FABP12: variants seen among roughly 807,000 people sequenced by gnomAD.
The protein encoded by FABP12 is fatty acid-binding protein 12.
A neutral mutation model predicts 13.7 loss-of-function variants in FABP12; 19 were observed. The ratio of observed to expected loss-of-function variants is 1.39; its 90% CI spans 0.97 to 2.04. The LOEUF (loss-of-function observed/expected upper bound fraction) is 2.04. Ranked by LOEUF, FABP12 falls within the 30% of genes most tolerant of loss-of-function variation. FABP12 has a pLI of 0.00. For missense variants in FABP12, 182 were observed against 164.2 expected, an observed-to-expected ratio of 1.11 and a Z score of -0.59; for synonymous variants, 61 against 57.0, an observed-to-expected ratio of 1.07 and a Z score of -0.32.
upstream of FABP12, among the ~76,000 whole-genome samples, chr8:81,536,993 T>TA (rs1440713955): frequency 1.3e-5 from 2 of 152,214 alleles, no homozygotes; most frequent in East Asian, 3.8e-4. Flanking sequence ...TATAAATTTT[T>TA]AAAACTGGGG....
intron 1 of FABP12, among the ~76,000 whole-genome samples, chr8:81,566,256 C>T (rs957650159): frequency 2.0e-5 from 3 of 151,962 alleles, no homozygotes; most frequent in African/African-American, 7.2e-5. Context: ...GAACTAATAC[C>T]AATTCTACTC....
chr8:81,529,849 T>A (rs7831647), intron 2 of FABP12, among the ~76,000 whole-genome samples: 1 of 152,020 alleles, frequency 6.6e-6, no homozygotes, highest in East Asian at 1.9e-4. Flanking sequence ...AAAAAAAATC[T>A]GTCTCTAGTT....
chr8:81,580,347 T>C (rs1229217265), intron 1 of FABP12, among the ~76,000 whole-genome samples: 1 of 151,922 alleles, frequency 6.6e-6, no homozygotes, highest in African/African-American at 2.4e-5. Context: ...CTAATACACT[T>C]ACATGCCTTT....
intron 1 of FABP12, chr8:81,533,042 A>G (rs1585836968): frequency 1.3e-5 from 2 of 152,208 alleles, no homozygotes; most frequent in African/African-American, 4.8e-5. Context: ...TCGGATGCAC[A>G]TGGATCCCCT....
chr8:81,573,198 A>G (rs1316100896), intron 1 of FABP12, among the ~76,000 whole-genome samples: 1 of 152,198 alleles, frequency 6.6e-6, no homozygotes, highest in East Asian at 1.9e-4. Flanking sequence ...CCATTTGTTG[A>G]AAAGGATGTC....
At chr8:81,582,577 G>T (rs930908960) in intron 1 of FABP12, among the ~76,000 whole-genome samples, 1 of 151,836 alleles carries the variant, frequency 6.6e-6, no homozygotes, top group African/African-American at 2.4e-5. Flanking sequence ...AAATAAAATA[G>T]ACTTTAAGTC....
At chr8:81,587,426 T>C (rs1230680343) in intron 1 of FABP12, among the ~76,000 whole-genome samples, 3 of 152,226 alleles carry the variant, frequency 2.0e-5, no homozygotes, top group Admixed American at 2.0e-4. Flanking sequence ...TCCATGAGCA[T>C]GGAACGTTTT....
intron 1 of FABP12, among the ~76,000 whole-genome samples, chr8:81,575,242 T>G (rs986212998): frequency 6.6e-6 from 1 of 152,220 alleles, no homozygotes; most frequent in Non-Finnish European, 1.5e-5. Flanking sequence ...GTAATTGAAT[T>G]TCCATGTATT....
At chr8:81,541,419 A>C (rs1175245028) in intron 1 of FABP12, among the ~76,000 whole-genome samples, 1 of 152,134 alleles carries the variant, frequency 6.6e-6, no homozygotes, top group African/African-American at 2.4e-5. Flanking sequence ...TCTTGTCTGG[A>C]CCTGAAATAC....
intron 1 of FABP12, among the ~76,000 whole-genome samples, chr8:81,581,245 A>C (rs1230515931): frequency 6.6e-6 from 1 of 152,224 alleles, no homozygotes; most frequent in Admixed American, 6.5e-5. Flanking sequence ...GGCCAATGCT[A>C]CCCAATCACA....
chr8:81,583,018 A>G (rs976785640), intron 1 of FABP12, among the ~76,000 whole-genome samples: 2 of 152,154 alleles, frequency 1.3e-5, no homozygotes, highest in Non-Finnish European at 2.9e-5. Context: ...TCAGACCACA[A>G]TGGAATAAAA....
intron 1 of FABP12, among the ~76,000 whole-genome samples, chr8:81,576,772 A>G (rs1313294536): frequency 2.6e-5 from 4 of 152,202 alleles, no homozygotes; most frequent in African/African-American, 7.2e-5. Flanking sequence ...AGCTCATGCT[A>G]TATGTTTATC....
chr8:81,562,058 G>A (rs1290931444), intron 1 of FABP12, among the ~76,000 whole-genome samples: 2 of 152,130 alleles, frequency 1.3e-5, no homozygotes, highest in East Asian at 3.9e-4. Context: ...GAGGAGAGGG[G>A]AGAATAAAGA....
chr8:81,560,648 T>C (rs939952719), intron 1 of FABP12, among the ~76,000 whole-genome samples: 1 of 152,332 alleles, frequency 6.6e-6, no homozygotes, highest in Non-Finnish European at 1.5e-5. Flanking sequence ...ATCTTTTATT[T>C]CTTCCAAGTT....
intron 1 of FABP12, among the ~76,000 whole-genome samples, chr8:81,576,846 G>C (rs894830397): frequency 6.6e-6 from 1 of 152,112 alleles, no homozygotes; most frequent in Non-Finnish European, 1.5e-5. Flanking sequence ...AATGCAGCAA[G>C]CTTTATCTAG....
chr8:81,558,009 G>T (rs943746889), intron 1 of FABP12, among the ~76,000 whole-genome samples: 1 of 152,214 alleles, frequency 6.6e-6, no homozygotes, highest in Non-Finnish European at 1.5e-5. Flanking sequence ...AGGTGCAGGA[G>T]GCCAGCTGGG....
At chr8:81,549,743 A>C (rs1809496098) in intron 1 of FABP12, among the ~76,000 whole-genome samples, 1 of 152,172 alleles carries the variant, frequency 6.6e-6, no homozygotes, top group Non-Finnish European at 1.5e-5. Flanking sequence ...GTGAGATGTT[A>C]AATCTGTACT....
chr8:81,583,480 A>G (rs145329414), intron 1 of FABP12, among the ~76,000 whole-genome samples: 153 of 152,230 alleles, frequency 1.0e-3, no homozygotes, highest in African/African-American at 3.6e-3. Flanking sequence ...AGAATGCCCA[A>G]ATAAACATAA....
intron 1 of FABP12, among the ~76,000 whole-genome samples, chr8:81,532,696 C>T (rs1563543941): frequency 6.6e-6 from 1 of 152,204 alleles, no homozygotes; most frequent in South Asian, 2.1e-4. Flanking sequence ...TGCAACGCAC[C>T]TGTAGTCCCA....
Sources: gnomAD v4.1 joint callset for allele counts (sites outside exome capture counted in the v4.1 genomes callset) on GRCh38, gnomAD v4.1.1 for gene constraint, MANE v1.5 for transcripts, NCBI Gene and HGNC (gene_info 2026-07-23, HGNC 2026-07-21) for gene names.